The following APC variants were observed in gnomAD, a reference collection of about 807,000 sequenced individuals.
APC encodes the protein APC regulator of Wnt signaling pathway.
APC carries 72 observed loss-of-function variants against 247.0 expected under a neutral mutation model. The observed-to-expected ratio is 0.29, with a 90% CI of 0.24 to 0.35. APC has a LOEUF of 0.35. Ranked by LOEUF, APC falls within the 10% of genes least tolerant of loss-of-function variation. APC has a pLI of 1.00. For synonymous variants in APC, 1,254 were observed against 1,162.5 expected (o/e 1.08, Z -1.60); for missense variants, 3,400 against 3,360.7 (o/e 1.01, Z -0.29).
Position 112,843,081 on chromosome 5 carries a change from A to AT in APC, c.7489dup (p.Ser2497PhefsTer14), listed in dbSNP as rs1409414498. On this transcript the variant is annotated frameshift_variant, in exon 16 of 16. Coordinates refer to ENST00000257430, the MANE Select transcript of APC (RefSeq NM_000038.6). LOFTEE classifies it high-confidence loss of function. This position sits in a 1 kb window ranked among gnomAD's most constrained non-coding sequence, Gnocchi z 4.8. ...CTTCCTGATATGTCTCTATCCACAC[A>AT]TTCGTCTGTTCAGGCTGGTGGATGG... 1.2e-6 allele frequency: 2 copies of AT among 1,613,986 alleles called. No homozygotes were observed. Among genetic ancestry groups the AT allele is most frequent in the South Asian group, 1.1e-5 (1 of 91,084 alleles).
At chr5:112,785,560 A>G (rs1758845222) in intron 6 of APC, among the ~76,000 whole-genome samples, 3 of 152,344 alleles carry the variant, frequency 2.0e-5, no homozygotes, top group Non-Finnish European at 2.9e-5. Context: ...GAAAGAACGC[A>G]TAATTGAAGA....
chr5:112,724,217 C>T (rs1335513688), intron 1 of APC, among the ~76,000 whole-genome samples: 1 of 151,942 alleles, frequency 6.6e-6, no homozygotes. Flanking sequence ...TAATTAATTG[C>T]TACTAGATAC....
intron 2 of APC, among the ~76,000 whole-genome samples, chr5:112,764,007 G>C (rs577773813): frequency 3.3e-5 from 5 of 151,826 alleles, no homozygotes; most frequent in African/African-American, 1.2e-4. Context: ...GGAGGCTGAC[G>C]CGGGCGGATG....
chr5:112,801,136 G>A (rs1760774461), intron 7 of APC, 143 bp from the exon 8 acceptor site: 2 of 601,488 alleles, frequency 3.3e-6, no homozygotes, highest in Non-Finnish European at 6.1e-6. Context: ...TGGAGGTTAT[G>A]AAGTGTAATA....
intron 6 of APC, among the ~76,000 whole-genome samples, chr5:112,791,415 C>G (rs1759571921): frequency 1.3e-5 from 2 of 152,168 alleles, no homozygotes; most frequent in African/African-American, 2.4e-5. Context: ...CCAGGGGTCC[C>G]CAGCCCCCAG....
intron 6 of APC, among the ~76,000 whole-genome samples, chr5:112,781,195 C>T (rs1225393777): frequency 6.6e-6 from 1 of 152,140 alleles, no homozygotes; most frequent in Non-Finnish European, 1.5e-5. Context: ...CTTCAGTTCT[C>T]CTTTGAAATT....
chr5:112,767,144 G>C (rs2149787161), intron 3 of APC, 45 bp from the exon 4 acceptor site: 1 of 1,440,438 alleles, frequency 6.9e-7, no homozygotes, highest in Non-Finnish European at 9.7e-7. Flanking sequence ...ATTTTAGACT[G>C]CTTAAAGCAA....
chr5:112,767,575 G>A (rs1756499108), intron 4 of APC, among the ~76,000 whole-genome samples, 185 bp downstream of exon 4: 1 of 152,078 alleles, frequency 6.6e-6, no homozygotes, highest in Non-Finnish European at 1.5e-5. Context: ...TATAAACAAG[G>A]CCGTTTCCTG....
chr5:112,841,347 T>A lies in APC; in HGVS notation c.5753T>A (p.Ile1918Lys), dbSNP rs2149948293. The change falls in exon 16 of 16, where the codon ATA (isoleucine) becomes AAA (lysine). Residue 1918 changes from isoleucine to lysine, a missense_variant. Ile to Lys is a moderately radical substitution (Grantham distance 102). Transcript: ENST00000257430. The surrounding 1 kb of genome is among the most constrained non-coding windows in gnomAD (Gnocchi z 4.6). The stretch of plus-strand genomic sequence containing the variant: ...ACACAAGCTATTGCAAAGCAGCCAA[T>A]AAATCGAGGTCAGCCTAAACCCATA... ...NKTQAIAKQP[I>K]NRGQPKPILQ... The A allele has an allele frequency of 6.2e-7, 1 of 1,613,790 alleles. No individual in the cohort carries two copies. Among genetic ancestry groups the A allele is most frequent in the Non-Finnish European group, 8.5e-7 (1 of 1,179,816 alleles).
At chr5:112,771,021 T>G (rs1010409551) in intron 4 of APC, among the ~76,000 whole-genome samples, 1 of 152,018 alleles carries the variant, frequency 6.6e-6, no homozygotes, top group Non-Finnish European at 1.5e-5. Context: ...AGTCTTCATG[T>G]TTTTTTATTC....
intron 1 of APC, among the ~76,000 whole-genome samples, chr5:112,739,674 G>A (rs1388649687): frequency 6.6e-6 from 1 of 152,146 alleles, no homozygotes; most frequent in South Asian, 2.1e-4. Context: ...TTCAAGACCA[G>A]CCTGGGCAAC....
rs398123121 is a variant in APC at position 112,839,576 on chromosome 5, C to A, written c.3982C>A (p.Gln1328Lys). ...TGTGAGCGAAGTTCCAGCAGTGTCA[C>A]AGCACCCTAGAACCAAATCCAGCAG... ...DPVSEVPAVS[Q>K]HPRTKSSRLQ... Residue 1328 changes from glutamine (Q) to lysine (K), a missense_variant, in exon 16 of 16, where the codon CAG (glutamine) becomes AAG (lysine). Coordinates refer to ENST00000257430, the MANE Select transcript of APC (RefSeq NM_000038.6). This position sits in a 1 kb window ranked among gnomAD's most constrained non-coding sequence, Gnocchi z 5.0. The A allele has an allele frequency of 6.2e-7, 1 of 1,614,148 alleles. No homozygotes were observed. The highest frequency in any genetic ancestry group is 8.5e-7 in the Non-Finnish European group (1 of 1,180,016).
In APC at chr5:112,828,884, C is replaced by G. The variant is rs1561557447; in HGVS notation, c.1655C>G (p.Ser552Cys). 1 of 1,613,540 alleles carries G rather than the reference C, an allele frequency of 6.2e-7. No homozygotes were observed. The highest frequency in any genetic ancestry group is 1.7e-5 in the Admixed American group (1 of 59,990). ...QVIASVLRNL[S>C]WRADVNSKKT... ...ATTGCGAGTGTTTTGAGGAATTTGT[C>G]TTGGCGAGCAGATGTAAATAGTAAA... is the stretch of plus-strand genomic sequence containing the variant. Residue 552 changes from serine to cysteine, a missense_variant, in exon 14 of 16, where the codon TCT becomes TGT. Around this residue, in one of 9 missense-constraint regions of APC, gnomAD observed 184 missense variants for 248.0 expected, o/e 0.74. Coordinates refer to ENST00000257430, the MANE Select transcript of APC (RefSeq NM_000038.6).
At chr5:112,794,117 T>C (rs1407916258) in intron 7 of APC, among the ~76,000 whole-genome samples, 1 of 151,810 alleles carries the variant, frequency 6.6e-6, no homozygotes, top group Non-Finnish European at 1.5e-5. Flanking sequence ...TAAGTCTCTT[T>C]AAAAAGTTTC....
intron 6 of APC, among the ~76,000 whole-genome samples, chr5:112,782,192 CAAAG>C (rs1267597460): frequency 2.0e-5 from 3 of 152,090 alleles, no homozygotes; most frequent in Non-Finnish European, 4.4e-5. Flanking sequence ...TGGCAGCAGG[CAAAG>C]AGAGAGAGAC....
At chr5:112,721,371 G>A (rs1189728481) in intron 1 of APC, among the ~76,000 whole-genome samples, 4 of 152,048 alleles carry the variant, frequency 2.6e-5, no homozygotes, top group African/African-American at 9.7e-5. Flanking sequence ...CAGAGATTGC[G>A]CCACTACACT....
chr5:112,749,559 A>C (rs1031114294), intron 1 of APC, among the ~76,000 whole-genome samples: 1 of 128,058 alleles, frequency 7.8e-6, no homozygotes, highest in Admixed American at 1.1e-4. Flanking sequence ...ATCTTGGCTT[A>C]CTGCAACAAC....
chr5:112,757,130 G>A (rs1755070056), intron 2 of APC, among the ~76,000 whole-genome samples: 1 of 152,102 alleles, frequency 6.6e-6, no homozygotes, highest in South Asian at 2.1e-4. Flanking sequence ...TGCTTCAACA[G>A]ACATCTTGTG....
rs1165139414 is a variant in APC, at chr5:112,837,950, C to T, written c.2356C>T (p.Arg786Cys). Reference protein sequence around the residue: ...IDNLSPKASHRSKQRHKQSLY... With the variant: ...IDNLSPKASHCSKQRHKQSLY... ...CAATTTAAGTCCCAAGGCATCTCAT[C>T]GTAGTAAGCAGAGACACAAGCAAAG... The change falls in exon 16 of 16, where the codon CGT becomes TGT. Residue 786 changes from arginine (R) to cysteine (C), a missense_variant. Physicochemically the swap from Arg to Cys is radical, Grantham distance 180. This residue lies in a region of APC where 91 missense variants were observed against 103.3 expected (regional missense o/e 0.88). Transcript: ENST00000257430. The T allele has an allele frequency of 5.0e-6, 8 of 1,613,916 alleles. No homozygotes were observed. The African/African-American group carries it at 6.7e-5, about 13-fold the overall frequency.
Sources: allele counts gnomAD v4.1 joint callset (sites outside exome capture counted in the v4.1 genomes callset), GRCh38; gene constraint gnomAD v4.1.1; regional missense constraint gnomAD v4.1.1; non-coding constraint Gnocchi (gnomAD v3.1); transcripts MANE v1.5; gene names NCBI Gene and HGNC (gene_info 2026-07-23, HGNC 2026-07-21).